Variants in MS4A5 observed in about 807,000 individuals in gnomAD.
MS4A5 encodes the protein membrane-spanning 4-domains subfamily A member 5.
MS4A5 carries 15 observed loss-of-function variants against 18.2 expected under a neutral mutation model. The ratio of observed to expected loss-of-function variants is 0.83; its 90% CI spans 0.55 to 1.27. The LOEUF is 1.27. Among genes scored for constraint, MS4A5 ranks in the 50% most tolerant of loss-of-function variants. The pLI is 0.00. For synonymous variants in MS4A5, 89 were observed against 78.7 expected, an observed-to-expected ratio of 1.13 and a Z score of -0.69; for missense variants, 232 against 225.7, an observed-to-expected ratio of 1.03 and a Z score of -0.18.
At chr11:60,433,958 A>G in intron 4 of MS4A5, 41 bp downstream of exon 4, 1 of 1,558,534 alleles carries the variant, frequency 6.4e-7, no homozygotes, top group Non-Finnish European at 8.8e-7. Context: ...TAAAGGGCTT[A>G]ATAGAAAATA....
At chr11:60,444,646 G>A (rs998596770) in intron 4 of MS4A5, among the ~76,000 whole-genome samples, 2 of 152,170 alleles carry the variant, frequency 1.3e-5, no homozygotes, top group Admixed American at 6.5e-5. Context: ...AATGGCTAGT[G>A]AGCATATGAG....
At chr11:60,434,417 C>T (rs1301879989) in intron 4 of MS4A5, among the ~76,000 whole-genome samples, 1 of 152,120 alleles carries the variant, frequency 6.6e-6, no homozygotes, top group African/African-American at 2.4e-5. Flanking sequence ...AGTTACCAAA[C>T]ACACACAAAA....
At chr11:60,437,869 C>A (rs1421570996) in intron 4 of MS4A5, among the ~76,000 whole-genome samples, 1 of 150,890 alleles carries the variant, frequency 6.6e-6, no homozygotes, top group African/African-American at 2.4e-5. Context: ...ATCAACGAGA[C>A]AGAAAGTCAA....
intron 4 of MS4A5, among the ~76,000 whole-genome samples, chr11:60,447,371 A>ATGCTATGCTATGCTATGCT (rs1565190029): frequency 1.0e-5 from 1 of 100,382 alleles, no homozygotes; most frequent in African/African-American, 4.1e-5. Flanking sequence ...TATGCTATGC[A>ATGCTATGCTATGCTATGCT]ATGCAGTGCT....
chr11:60,444,884 C>T (rs184074367), intron 4 of MS4A5, among the ~76,000 whole-genome samples: 16 of 152,320 alleles, frequency 1.1e-4, no homozygotes, highest in Admixed American at 7.2e-4. Context: ...GTTAATCATA[C>T]ACCTACTTTA....
intron 4 of MS4A5, among the ~76,000 whole-genome samples, chr11:60,435,967 C>T (rs1285842793): frequency 2.6e-5 from 4 of 152,336 alleles, no homozygotes; most frequent in South Asian, 2.1e-4. Flanking sequence ...GTAGGCTCCA[C>T]CTCTGGGGGC....
At chr11:60,438,601 G>A (rs180991658) in intron 4 of MS4A5, among the ~76,000 whole-genome samples, 210 of 152,120 alleles carry the variant, frequency 1.4e-3, no homozygotes, top group Non-Finnish European at 1.8e-3. Context: ...TGTCACCACC[G>A]ATCCCACAGA....
chr11:60,434,935 G>T (rs756187193), intron 4 of MS4A5, among the ~76,000 whole-genome samples: 1 of 152,142 alleles, frequency 6.6e-6, no homozygotes, highest in Non-Finnish European at 1.5e-5. Flanking sequence ...AGGCTACTAC[G>T]CTCTTCAGGT....
intron 4 of MS4A5, among the ~76,000 whole-genome samples, chr11:60,445,869 G>T (rs1411276142): frequency 2.6e-5 from 4 of 152,168 alleles, no homozygotes; most frequent in Non-Finnish European, 5.9e-5. Flanking sequence ...ATTTATGGCT[G>T]GTATTTATCA....
chr11:60,431,236 CCT>C (rs1423515430), intron 2 of MS4A5, among the ~76,000 whole-genome samples: 1 of 152,170 alleles, frequency 6.6e-6, no homozygotes, highest in Non-Finnish European at 1.5e-5. Context: ...CCCCCAAAGA[CCT>C]CTCAGTCTAG....
intron 3 of MS4A5, among the ~76,000 whole-genome samples, 195 bp downstream of exon 3, chr11:60,432,662 G>A (rs562932862): frequency 2.0e-5 from 3 of 151,434 alleles, no homozygotes; most frequent in Non-Finnish European, 2.9e-5. Context: ...GCACACACCT[G>A]TAGTCCCAGC....
chr11:60,432,893 A>G (rs548576827), intron 3 of MS4A5, among the ~76,000 whole-genome samples: 16 of 152,340 alleles, frequency 1.1e-4, no homozygotes, highest in African/African-American at 3.6e-4. Flanking sequence ...TTAGGTCACC[A>G]TAATTCCACA....
At chr11:60,435,712 C>T (rs555676238) in intron 4 of MS4A5, among the ~76,000 whole-genome samples, 61 of 152,280 alleles carry the variant, frequency 4.0e-4, no homozygotes, top group Non-Finnish European at 6.3e-4. Context: ...CCGAATACTG[C>T]GCTTTTCCGA....
At chr11:60,447,325 CTATGCT>C (rs1292157601) in intron 4 of MS4A5, among the ~76,000 whole-genome samples, 6 of 146,924 alleles carry the variant, frequency 4.1e-5, no homozygotes, top group African/African-American at 1.5e-4. Flanking sequence ...CTATGCTATG[CTATGCT>C]ATGCTATGCT....
At chr11:60,447,154 CCTATGCTATCCTATG>C (rs2086143673) in intron 4 of MS4A5, among the ~76,000 whole-genome samples, 3 of 81,286 alleles carry the variant, frequency 3.7e-5, no homozygotes, top group African/African-American at 9.9e-5. Flanking sequence ...GCTATGCTAT[CCTATGCTATCCTATG>C]TTATGCTATG....
In MS4A5 at chr11:60,430,856, T is replaced by G; in HGVS notation, c.214T>G (p.Leu72Val). Reference sequence around the variant, plus strand: ...TTTTGGAGTTATCTTCCTTTTCACCTTGTTAAAACCATATCCAAGGTTTCC... The same window carrying G: ...TTTTGGAGTTATCTTCCTTTTCACCGTGTTAAAACCATATCCAAGGTTTCC... Reference protein sequence around the residue: ...FSFGVIFLFTLLKPYPRFPFI... With the variant: ...FSFGVIFLFTVLKPYPRFPFI... Residue 72 changes from leucine (L) to valine (V), a missense_variant, in exon 2 of 5, where the codon TTG (leucine) becomes GTG (valine). Transcript: ENST00000300190. 1 of 1,613,390 alleles carries G rather than the reference T, an allele frequency of 6.2e-7. No individual in the cohort carries two copies. The highest frequency in any genetic ancestry group is 8.5e-7 in the Non-Finnish European group (1 of 1,179,748).
In MS4A5 at chr11:60,430,866, C is replaced by T; in HGVS notation, c.224C>T (p.Pro75Leu). 6.2e-7 allele frequency: 1 copy of T among 1,613,102 alleles called. No individual in the cohort carries two copies. The highest frequency in any genetic ancestry group is 8.5e-7 in the Non-Finnish European group (1 of 1,179,564). ...GVIFLFTLLK[P>L]YPRFPFIFLS... Reference sequence around the variant, plus strand: ...ATCTTCCTTTTCACCTTGTTAAAACCATATCCAAGGTTTCCCTTTATATTT... The same window carrying T: ...ATCTTCCTTTTCACCTTGTTAAAACTATATCCAAGGTTTCCCTTTATATTT... The change falls in exon 2 of 5, where the codon CCA becomes CTA. Residue 75 changes from proline (P) to leucine (L), a missense_variant. Physicochemically the swap from Pro to Leu is moderately conservative, Grantham distance 98. Coordinates refer to ENST00000300190, the MANE Select transcript of MS4A5 (RefSeq NM_023945.3).
Position 60,446,103 on chromosome 11 carries a change from G to GA in MS4A5, c.493-1539dup, listed in dbSNP as rs144998815. On this transcript the variant is annotated intron_variant, in intron 4 of 4. Coordinates refer to ENST00000300190, the MANE Select transcript of MS4A5 (RefSeq NM_023945.3). ...TAAAACAAACAAACAAAAAAACACA[G>GA]AAAAAAAGAGGAAATCAATCAGTTC... Among the ~76,000 whole-genome samples, 1,419 of 151,964 alleles carry GA rather than the reference G, an allele frequency of 9.3e-3. 21 individuals are homozygous for GA. The highest frequency in any genetic ancestry group is 0.028 in the African/African-American group (1,168 of 41,456).
intron 4 of MS4A5, among the ~76,000 whole-genome samples, chr11:60,442,539 C>T (rs1381430621): frequency 3.3e-5 from 5 of 152,042 alleles, no homozygotes; most frequent in South Asian, 2.1e-4. Context: ...ATACCTAATG[C>T]GTGTGGGGCT....
Sources: gnomAD v4.1 joint callset for allele counts (sites outside exome capture counted in the v4.1 genomes callset) on GRCh38, gnomAD v4.1.1 for gene constraint, MANE v1.5 for transcripts, NCBI Gene and HGNC (gene_info 2026-07-23, HGNC 2026-07-21) for gene names.